INSL6: variants seen among roughly 807,000 people sequenced by gnomAD.
The protein encoded by INSL6 is insulin like 6.
INSL6 carries 16 observed loss-of-function variants against 9.4 expected under a neutral mutation model. The observed-to-expected ratio is 1.70, with a 90% CI of 1.15 to 2.59. The LOEUF (loss-of-function observed/expected upper bound fraction) is 2.59, where lower values mean the gene tolerates loss of function less well. Ranked by LOEUF, INSL6 falls within the 30% of genes most tolerant of loss-of-function variation. The pLI is 0.00. For synonymous variants in INSL6, 154 were observed against 96.9 expected, an observed-to-expected ratio of 1.59 and a Z score of -3.46; for missense variants, 391 against 257.3, an observed-to-expected ratio of 1.52 and a Z score of -3.56.
At chr9:5,070,485 G>A in the INSL6 span, among the ~76,000 whole-genome samples, 1 of 152,002 alleles carries the variant, frequency 6.6e-6, no homozygotes, top group Non-Finnish European at 1.5e-5. Context: ...ATACTTAAGT[G>A]GAACCTGTGG....
downstream of INSL6, among the ~76,000 whole-genome samples, chr9:5,159,755 CAAAG>C (rs1824885125): frequency 6.6e-6 from 1 of 152,220 alleles, no homozygotes; most frequent in Non-Finnish European, 1.5e-5. Context: ...AGAAAATCAA[CAAAG>C]AAACATTGGA....
At chr9:5,044,323 G>T in the INSL6 span, 1 of 825,908 alleles carries the variant, frequency 1.2e-6, no homozygotes. Flanking sequence ...CTTTCAGTAT[G>T]CTGTAGGTGA....
the INSL6 span, among the ~76,000 whole-genome samples, chr9:4,998,446 G>A: frequency 2.6e-5 from 4 of 151,950 alleles, no homozygotes; most frequent in Non-Finnish European, 5.9e-5. Context: ...TAGTAGAGAC[G>A]GGGTTTCACC....
chr9:5,021,903 G>C, the INSL6 span: 2 of 986,504 alleles, frequency 2.0e-6, no homozygotes, highest in Non-Finnish European at 3.1e-6. Flanking sequence ...AAAGTGCTAG[G>C]ATTACAGGTG....
chr9:5,173,562 G>C (rs1048723452), intron 1 of INSL6, among the ~76,000 whole-genome samples: 2 of 151,880 alleles, frequency 1.3e-5, no homozygotes, highest in African/African-American at 4.8e-5. Flanking sequence ...TGAACAATGA[G>C]ATCACGTGAA....
At chr9:5,060,187 G>A in the INSL6 span, among the ~76,000 whole-genome samples, 2 of 152,210 alleles carry the variant, frequency 1.3e-5, no homozygotes, top group African/African-American at 4.8e-5. Flanking sequence ...AGCCTCCAGA[G>A]AGTTATAATC....
the INSL6 span, among the ~76,000 whole-genome samples, chr9:5,014,483 G>C: frequency 6.6e-6 from 1 of 152,156 alleles, no homozygotes; most frequent in African/African-American, 2.4e-5. Context: ...TTTCATTCTA[G>C]TGGTACAAGA....
chr9:5,183,030 G>A (rs1485748893), intron 1 of INSL6, among the ~76,000 whole-genome samples: 2 of 152,132 alleles, frequency 1.3e-5, no homozygotes, highest in African/African-American at 4.8e-5. Flanking sequence ...CAACTGACTT[G>A]ATCTAACACA....
chr9:5,114,006 G>C, the INSL6 span: 1 of 287,624 alleles, frequency 3.5e-6, no homozygotes. Context: ...GCAGGTCGTG[G>C]ATGTGAACTG....
chr9:5,112,786 G>A, the INSL6 span: 27 of 583,164 alleles, frequency 4.6e-5, no homozygotes, highest in Non-Finnish European at 7.3e-5. Context: ...GAGGCCCCCA[G>A]ATGGTGCTTT....
chr9:5,182,574 A>C (rs1269663181), intron 1 of INSL6, among the ~76,000 whole-genome samples: 2 of 152,164 alleles, frequency 1.3e-5, no homozygotes, highest in Non-Finnish European at 2.9e-5. Flanking sequence ...ATAGGTACTC[A>C]AATTTTGTTG....
intron 2 of INSL6, among the ~76,000 whole-genome samples, chr9:5,141,710 C>T (rs965616600): frequency 6.6e-5 from 10 of 152,170 alleles, no homozygotes; most frequent in African/African-American, 2.4e-4. Flanking sequence ...TGGGCAGAAG[C>T]TCTTTAGTTT....
At chr9:4,995,458 G>A in the INSL6 span, among the ~76,000 whole-genome samples, 1 of 152,234 alleles carries the variant, frequency 6.6e-6, no homozygotes, top group South Asian at 2.1e-4. Context: ...AAGATGGGAC[G>A]CAACTTTTTT....
At chr9:5,021,891 G>A in the INSL6 span, 1,327 of 854,260 alleles carry the variant, frequency 1.6e-3, 13 homozygotes, top group African/African-American at 0.02. Context: ...CCTCGGCCCC[G>A]CAAAGTGCTA....
At chr9:5,178,632 A>G (rs967205100) in intron 1 of INSL6, among the ~76,000 whole-genome samples, 2 of 152,364 alleles carry the variant, frequency 1.3e-5, no homozygotes, top group Admixed American at 6.5e-5. Context: ...AGTAACCACA[A>G]CAGCTTGGTA....
the INSL6 span, among the ~76,000 whole-genome samples, chr9:5,101,305 G>A: frequency 0.24 from 36,588 of 152,198 alleles, 4,851 homozygotes; most frequent in South Asian, 0.3. Flanking sequence ...AGATCCACCC[G>A]TGAGGCAGCA....
chr9:5,090,541 C>A, the INSL6 span: 58 of 1,594,774 alleles, frequency 3.6e-5, no homozygotes, highest in Admixed American at 5.2e-5. Flanking sequence ...TCACATAAAA[C>A]TTCTGCAGTA....
chr9:5,009,008 A>G, the INSL6 span, among the ~76,000 whole-genome samples: 1 of 152,050 alleles, frequency 6.6e-6, no homozygotes, highest in Admixed American at 6.5e-5. Flanking sequence ...GTATTATTCA[A>G]CTCTTTCACT....
intron 1 of INSL6, among the ~76,000 whole-genome samples, chr9:5,175,160 T>A (rs1470284935): frequency 6.6e-6 from 1 of 152,130 alleles, no homozygotes; most frequent in East Asian, 1.9e-4. Flanking sequence ...CAGGATGGTC[T>A]CGATCTCCTG....
Sources: allele counts gnomAD v4.1 joint callset (sites outside exome capture counted in the v4.1 genomes callset), GRCh38; gene constraint gnomAD v4.1.1; transcripts MANE v1.5; gene names NCBI Gene and HGNC (gene_info 2026-07-23, HGNC 2026-07-21).